Variants in FGGY observed in about 807,000 individuals in gnomAD.
FGGY encodes the protein FGGY carbohydrate kinase domain containing.
FGGY carries 72 observed loss-of-function variants against 71.3 expected under a neutral mutation model. That is an observed-to-expected ratio of 1.01 (90% CI 0.84 to 1.23). The LOEUF (loss-of-function observed/expected upper bound fraction) is 1.23. Ranked by LOEUF, FGGY falls within the 50% of genes most tolerant of loss-of-function variation. FGGY has a pLI of 0.00. For synonymous variants in FGGY, 251 were observed against 250.3 expected (o/e 1.00, Z -0.02); for missense variants, 668 against 682.3 (o/e 0.98, Z 0.23).
chr1:59,524,301 C>T (rs1390952066), intron 7 of FGGY, among the ~76,000 whole-genome samples: 1 of 152,226 alleles, frequency 6.6e-6, no homozygotes, highest in Non-Finnish European at 1.5e-5. Flanking sequence ...CGGCTCAGGC[C>T]TGCAGGTGCC....
intron 6 of FGGY, among the ~76,000 whole-genome samples, chr1:59,491,110 C>T (rs1175320002): frequency 1.5e-5 from 1 of 68,934 alleles, no homozygotes; most frequent in Non-Finnish European, 2.7e-5. Context: ...TTCCTTCCCT[C>T]CTTCCCTCCT....
At chr1:59,522,085 G>A (rs74590655) in intron 7 of FGGY, among the ~76,000 whole-genome samples, 1 of 152,284 alleles carries the variant, frequency 6.6e-6, no homozygotes, top group East Asian at 1.9e-4. Context: ...TGTTTTGCTA[G>A]GTACTTGACT....
chr1:59,316,359 A>G (rs547665696), intron 1 of FGGY: 1 of 152,278 alleles, frequency 6.6e-6, no homozygotes, highest in African/African-American at 2.4e-5. Flanking sequence ...GGAGATTGTC[A>G]TCATAGGCAG....
chr1:59,513,333 G>A (rs2094561295), intron 7 of FGGY, among the ~76,000 whole-genome samples: 1 of 152,210 alleles, frequency 6.6e-6, no homozygotes, highest in East Asian at 1.9e-4. Context: ...GGAAGGCACT[G>A]CTTTGTGGAG....
At chr1:59,761,506 C>T (rs887859363) in intron 15 of FGGY, among the ~76,000 whole-genome samples, 2 of 152,204 alleles carry the variant, frequency 1.3e-5, no homozygotes, top group African/African-American at 4.8e-5. Flanking sequence ...TTCACCCCCT[C>T]ACCCCATGTC....
At chr1:59,424,818 A>T (rs974018700) in intron 5 of FGGY, among the ~76,000 whole-genome samples, 1 of 152,166 alleles carries the variant, frequency 6.6e-6, no homozygotes, top group East Asian at 1.9e-4. Flanking sequence ...GGAAGGCATG[A>T]TTTGTGTGGG....
At chr1:59,627,487 T>C (rs886872450) in intron 10 of FGGY, among the ~76,000 whole-genome samples, 4,479 of 109,456 alleles carry the variant, frequency 0.041, 280 homozygotes, top group African/African-American at 0.19. Context: ...TATATATATA[T>C]ATACACACAC....
At chr1:59,653,817 C>G (rs534679472) in intron 11 of FGGY, among the ~76,000 whole-genome samples, 2 of 152,310 alleles carry the variant, frequency 1.3e-5, no homozygotes, top group South Asian at 2.1e-4. Context: ...TGGGTCAAAT[C>G]TTTCTCATGC....
chr1:59,597,538 A>G (rs1266179402), intron 8 of FGGY, among the ~76,000 whole-genome samples: 2 of 152,146 alleles, frequency 1.3e-5, no homozygotes, highest in South Asian at 2.1e-4. Context: ...ATGAGCTCCA[A>G]TCCATAAATA....
At chr1:59,389,784 A>T (rs182175353) in intron 5 of FGGY, among the ~76,000 whole-genome samples, 10 of 152,204 alleles carry the variant, frequency 6.6e-5, no homozygotes, top group Admixed American at 3.3e-4. Context: ...CCATTGTAGT[A>T]GATATAAAGT....
intron 14 of FGGY, among the ~76,000 whole-genome samples, chr1:59,720,835 C>A (rs2097885135): frequency 6.6e-6 from 1 of 152,136 alleles, no homozygotes; most frequent in South Asian, 2.1e-4. Context: ...TTATTTAGTT[C>A]TTTTCAGGAC....
Position 59,597,956 on chromosome 1 carries a change from C to T in FGGY, c.904-9847C>T, listed in dbSNP as rs139503914. Reference sequence around the variant, plus strand: ...TTCTGACTCAGGATCCACCTCACTACGTGATGTCAGAGCAACAGAGCTAAG... The same window carrying T: ...TTCTGACTCAGGATCCACCTCACTATGTGATGTCAGAGCAACAGAGCTAAG... On this transcript the variant is annotated intron_variant, in intron 8 of 15. Coordinates refer to ENST00000303721, the MANE Select transcript of FGGY (RefSeq NM_018291.5). Among the ~76,000 whole-genome samples, 60 of 152,316 alleles carry T rather than the reference C, an allele frequency of 3.9e-4. 2 individuals carry two copies. In the South Asian group the frequency reaches 8.3e-3, roughly 21 times the overall value.
intron 5 of FGGY, among the ~76,000 whole-genome samples, chr1:59,406,320 A>G (rs835414): frequency 0.04 from 6,027 of 151,918 alleles, 357 homozygotes; most frequent in African/African-American, 0.14. Flanking sequence ...CAGCTCTCAT[A>G]GTGTAAACAA....
chr1:59,471,773 T>G (rs1176982563), intron 6 of FGGY, among the ~76,000 whole-genome samples: 1 of 152,214 alleles, frequency 6.6e-6, no homozygotes, highest in Non-Finnish European at 1.5e-5. Flanking sequence ...GGATCTCATG[T>G]CTACTAGGGG....
intron 14 of FGGY, among the ~76,000 whole-genome samples, chr1:59,746,731 G>A (rs907379172): frequency 2.0e-5 from 3 of 152,072 alleles, no homozygotes; most frequent in African/African-American, 4.8e-5. Flanking sequence ...CGTTTCAAGC[G>A]ATCCTCCCAC....
chr1:59,681,785 C>T (rs1573103095), intron 14 of FGGY, among the ~76,000 whole-genome samples: 1 of 101,870 alleles, frequency 9.8e-6, no homozygotes, highest in African/African-American at 3.4e-5. Context: ...TTGAAAAATA[C>T]ACACACACAC....
At chr1:59,546,553 T>A (rs1380129060) in intron 7 of FGGY, among the ~76,000 whole-genome samples, 2 of 150,036 alleles carry the variant, frequency 1.3e-5, no homozygotes, top group Non-Finnish European at 3.0e-5. Context: ...TTATTATTAT[T>A]TGAGACGGAG....
chr1:59,643,419 T>C (rs1311157271), intron 11 of FGGY, among the ~76,000 whole-genome samples: 1 of 152,174 alleles, frequency 6.6e-6, no homozygotes, highest in East Asian at 1.9e-4. Context: ...GGTCTCAAAC[T>C]GCTGGCCTCA....
chr1:59,719,409 G>T (rs141244211), intron 14 of FGGY, among the ~76,000 whole-genome samples: 1 of 151,976 alleles, frequency 6.6e-6, no homozygotes, highest in Non-Finnish European at 1.5e-5. Flanking sequence ...TCTCAACCTC[G>T]GTTTCTCATT....
Sources: allele counts gnomAD v4.1 joint callset (sites outside exome capture counted in the v4.1 genomes callset), GRCh38; gene constraint gnomAD v4.1.1; transcripts MANE v1.5; gene names NCBI Gene and HGNC (gene_info 2026-07-23, HGNC 2026-07-21).